The following RXRA variants were observed in gnomAD, a reference collection of about 807,000 sequenced individuals.
RXRA encodes retinoic acid receptor RXR-alpha.
RXRA carries 5 observed loss-of-function variants against 44.5 expected under a neutral mutation model. That is an observed-to-expected ratio of 0.11 (90% CI 0.06 to 0.24). The LOEUF (loss-of-function observed/expected upper bound fraction) is 0.24, where lower values mean the gene tolerates loss of function less well. RXRA is among the 10% of genes least tolerant of loss of function. RXRA has a pLI of 1.00. For synonymous variants in RXRA, 291 were observed against 271.4 expected (o/e 1.07, Z -0.71); for missense variants, 412 against 646.5 (o/e 0.64, Z 3.93).
chr9:134,410,396 A>G (rs185118710), intron 4 of RXRA, among the ~76,000 whole-genome samples: 31 of 152,324 alleles, frequency 2.0e-4, no homozygotes, highest in African/African-American at 7.5e-4. Context: ...GCAGGGTCAC[A>G]TGCTGGGCCC....
At chr9:134,415,989 C>T (rs983236803) in intron 4 of RXRA, among the ~76,000 whole-genome samples, 5 of 151,894 alleles carry the variant, frequency 3.3e-5, no homozygotes, top group Admixed American at 6.6e-5. Flanking sequence ...CCCTGTGGGG[C>T]GGTGTTGGGG....
At chr9:134,355,471 C>G (rs558458922) in intron 1 of RXRA, among the ~76,000 whole-genome samples, 1 of 133,960 alleles carries the variant, frequency 7.5e-6, no homozygotes. Context: ...CAGTCAGCGC[C>G]GGGAACTGCT....
intron 1 of RXRA, among the ~76,000 whole-genome samples, chr9:134,346,331 G>A (rs533000237): frequency 1.4e-3 from 215 of 152,162 alleles, no homozygotes; most frequent in African/African-American, 4.8e-3. Flanking sequence ...TCACAGCTTT[G>A]CACTTGCTGT....
At position 134,333,548 on chromosome 9, in the gene RXRA, C is replaced by T. The variant is rs369238292; in HGVS notation, c.28+6889C>T. 3.0e-3 allele frequency among the ~76,000 whole-genome samples: 454 copies of T among 152,130 alleles called. 2 individuals carry two copies. Among genetic ancestry groups the T allele is most frequent in the African/African-American group, 0.01 (434 of 41,494 alleles). ...AGAGTGAGTTGGGCCTGGGCCAGGC[C>T]GTGTGTAAATCCTCCAGCCGCCATG... On this transcript the variant is annotated intron_variant, in intron 1 of 9. Coordinates refer to ENST00000481739, the MANE Select transcript of RXRA (RefSeq NM_002957.6).
At chr9:134,401,945 G>A in intron 2 of RXRA, 63 bp downstream of exon 2, 1 of 1,335,570 alleles carries the variant, frequency 7.5e-7, no homozygotes, top group Non-Finnish European at 1.0e-6. Flanking sequence ...GGCTTCAACT[G>A]CAGGACGACC....
At chr9:134,331,374 C>T (rs929383629) in intron 1 of RXRA, among the ~76,000 whole-genome samples, 4 of 152,204 alleles carry the variant, frequency 2.6e-5, no homozygotes, top group Non-Finnish European at 5.9e-5. Flanking sequence ...TTGGCCCGGC[C>T]GCTGTGGGGA....
At chr9:134,406,741 C>T (rs1027483628) in intron 2 of RXRA, among the ~76,000 whole-genome samples, 2 of 152,222 alleles carry the variant, frequency 1.3e-5, no homozygotes, top group Admixed American at 6.5e-5. Context: ...TCATGTGTGA[C>T]CTTGGCCAGC....
chr9:134,429,304 T>G, intron 7 of RXRA, 64 bp downstream of exon 7: 1 of 1,561,836 alleles, frequency 6.4e-7, no homozygotes, highest in South Asian at 1.1e-5. Flanking sequence ...CCAGCTGAGT[T>G]CAGCCACCTT....
chr9:134,420,501 C>T (rs938141798), intron 5 of RXRA, among the ~76,000 whole-genome samples: 7 of 152,362 alleles, frequency 4.6e-5, no homozygotes, highest in East Asian at 1.9e-4. Context: ...TGCCCTCTTC[C>T]GAGGGTCCTG....
rs542912911 is a variant in RXRA at position 134,422,024 on chromosome 9, C to G, written c.910+219C>G. ...CCCCCTTCCCGGAACACACTCCCCC[C>G]TCCCTGGATGCTCCCATCTCCCAGG... is the stretch of plus-strand genomic sequence containing the variant. On this transcript the variant is annotated intron_variant, in intron 6 of 9. Transcript: ENST00000481739. 28 of 1,450,478 alleles carry G rather than the reference C, an allele frequency of 1.9e-5. No individual in the cohort carries two copies. In the African/African-American group the frequency reaches 3.0e-4, roughly 16 times the overall value. The allele number at this position is 1,450,478 out of a possible 1,614,324, so 89.9% of individuals were successfully genotyped here.
intron 4 of RXRA, among the ~76,000 whole-genome samples, chr9:134,409,462 C>T (rs532473536): frequency 1.3e-5 from 2 of 152,362 alleles, no homozygotes; most frequent in South Asian, 4.1e-4. Context: ...CAGCTTCCTC[C>T]CGAGGCCAAC....
intron 1 of RXRA, among the ~76,000 whole-genome samples, chr9:134,372,724 G>A (rs1475977298): frequency 1.3e-5 from 2 of 152,188 alleles, no homozygotes; most frequent in East Asian, 1.9e-4. Flanking sequence ...TGCTCTTCCC[G>A]GGACTCTACC....
chr9:134,361,333 C>A (rs879438456), intron 1 of RXRA, among the ~76,000 whole-genome samples: 1 of 152,154 alleles, frequency 6.6e-6, no homozygotes, highest in Admixed American at 6.5e-5. Context: ...CCCAGGCCCT[C>A]CCCTGAGCCC....
intron 1 of RXRA, among the ~76,000 whole-genome samples, chr9:134,336,399 T>C (rs12338988): frequency 0.046 from 6,966 of 152,318 alleles, 508 homozygotes; most frequent in African/African-American, 0.16. Flanking sequence ...GGCAATGGCA[T>C]GCTCACAGCC....
chr9:134,359,856 C>T (rs28588705), intron 1 of RXRA, among the ~76,000 whole-genome samples: 10,280 of 152,220 alleles, frequency 0.068, 745 homozygotes, highest in African/African-American at 0.18. Context: ...GCTTTGCTCC[C>T]GAGATTGTCC....
At chr9:134,398,044 A>G (rs908759661) in intron 1 of RXRA, among the ~76,000 whole-genome samples, 3 of 151,650 alleles carry the variant, frequency 2.0e-5, no homozygotes, top group Non-Finnish European at 4.4e-5. Flanking sequence ...CGATGGCGCG[A>G]TCTCTGCTTA....
At chr9:134,344,854 T>C (rs1830131355) in intron 1 of RXRA, among the ~76,000 whole-genome samples, 1 of 152,240 alleles carries the variant, frequency 6.6e-6, no homozygotes, top group Non-Finnish European at 1.5e-5. Flanking sequence ...CTGGGCTTCC[T>C]GTCCCAACAC....
chr9:134,336,967 G>C (rs1830016957), intron 1 of RXRA, among the ~76,000 whole-genome samples: 1 of 152,294 alleles, frequency 6.6e-6, no homozygotes, highest in African/African-American at 2.4e-5. Flanking sequence ...GACTGTCCTC[G>C]AGGACTCTGT....
At chr9:134,354,063 A>G (rs1458705228) in intron 1 of RXRA, among the ~76,000 whole-genome samples, 1 of 152,140 alleles carries the variant, frequency 6.6e-6, no homozygotes, top group Non-Finnish European at 1.5e-5. Flanking sequence ...CCACCATAAA[A>G]TAACACTTAG....
Sources: gnomAD v4.1 joint callset for allele counts (sites outside exome capture counted in the v4.1 genomes callset) on GRCh38, gnomAD v4.1.1 for gene constraint, MANE v1.5 for transcripts, NCBI Gene and HGNC (gene_info 2026-07-23, HGNC 2026-07-21) for gene names.